Variants in GRM7 observed in about 807,000 individuals in gnomAD.
GRM7 encodes metabotropic glutamate receptor 7.
GRM7 carries 35 observed loss-of-function variants against 84.5 expected under a neutral mutation model. The observed-to-expected ratio is 0.41, with a 90% CI of 0.32 to 0.55. GRM7 has a LOEUF of 0.55. GRM7 is among the 20% of genes least tolerant of loss of function. GRM7 has a pLI of 0.19. For missense variants in GRM7, 1,003 were observed against 1,194.6 expected, an observed-to-expected ratio of 0.84 and a Z score of 2.36; for synonymous variants, 487 against 455.1, an observed-to-expected ratio of 1.07 and a Z score of -0.89.
chr3:7,386,194 A>G (rs968347104), intron 4 of GRM7, among the ~76,000 whole-genome samples: 1 of 152,254 alleles, frequency 6.6e-6, no homozygotes, highest in Non-Finnish European at 1.5e-5. Flanking sequence ...TGTTTGTTAC[A>G]TGGATGCTTT....
At chr3:7,720,100 T>C (rs1289951164) in intron 9 of GRM7, among the ~76,000 whole-genome samples, 6 of 152,134 alleles carry the variant, frequency 3.9e-5, no homozygotes, top group African/African-American at 1.2e-4. Flanking sequence ...ATCACTATTA[T>C]CATTTTCCTC....
At chr3:7,175,188 A>G (rs1695105595) in intron 2 of GRM7, among the ~76,000 whole-genome samples, 4 of 152,234 alleles carry the variant, frequency 2.6e-5, no homozygotes. Context: ...TGGAAATGAT[A>G]ACTTTCCTAC....
chr3:7,358,937 G>A (rs1693531812), intron 4 of GRM7, among the ~76,000 whole-genome samples: 1 of 151,900 alleles, frequency 6.6e-6, no homozygotes, highest in South Asian at 2.1e-4. Context: ...GGGCAACATG[G>A]TGAAACCCTG....
chr3:7,568,501 T>A (rs1001269173), intron 7 of GRM7, among the ~76,000 whole-genome samples: 2 of 152,218 alleles, frequency 1.3e-5, no homozygotes, highest in African/African-American at 2.4e-5. Context: ...CTGGCCACAC[T>A]TGAGGAGCCC....
intron 2 of GRM7, among the ~76,000 whole-genome samples, chr3:7,222,340 A>T (rs1696833667): frequency 6.6e-6 from 1 of 152,062 alleles, no homozygotes; most frequent in African/African-American, 2.4e-5. Context: ...TTGAAGGGTG[A>T]AAAGGACCTG....
chr3:7,179,110 A>T (rs1243600771), intron 2 of GRM7, among the ~76,000 whole-genome samples: 2 of 152,080 alleles, frequency 1.3e-5, no homozygotes, highest in African/African-American at 4.8e-5. Context: ...TATTTAAAAA[A>T]ATAAAAAAAT....
chr3:7,593,318 CATTT>C (rs1426514001), intron 8 of GRM7, among the ~76,000 whole-genome samples: 1 of 152,114 alleles, frequency 6.6e-6, no homozygotes, highest in African/African-American at 2.4e-5. Context: ...CAGTTTCAAA[CATTT>C]ATTGATTCAT....
intron 7 of GRM7, among the ~76,000 whole-genome samples, chr3:7,475,338 G>A (rs977028169): frequency 6.6e-6 from 1 of 152,096 alleles, no homozygotes; most frequent in African/African-American, 2.4e-5. Context: ...CACATTGATG[G>A]GTATGCATTG....
intron 8 of GRM7, among the ~76,000 whole-genome samples, chr3:7,648,032 G>A (rs1698734145): frequency 6.6e-6 from 1 of 152,032 alleles, no homozygotes; most frequent in Non-Finnish European, 1.5e-5. Context: ...CGGCCTAACT[G>A]CATTTTACAA....
chr3:7,454,345 G>C (rs1697916784), intron 6 of GRM7, among the ~76,000 whole-genome samples: 1 of 152,116 alleles, frequency 6.6e-6, no homozygotes, highest in East Asian at 1.9e-4. Context: ...TGTTTGAATA[G>C]TCTCAACTCT....
At chr3:7,173,928 C>T (rs1413287959) in intron 2 of GRM7, among the ~76,000 whole-genome samples, 2 of 152,222 alleles carry the variant, frequency 1.3e-5, no homozygotes, top group African/African-American at 4.8e-5. Flanking sequence ...CTCTAAATTG[C>T]AAGCTCATTA....
At chr3:7,126,574 C>T (rs1305009455) in intron 1 of GRM7, among the ~76,000 whole-genome samples, 3 of 152,146 alleles carry the variant, frequency 2.0e-5, no homozygotes, top group Non-Finnish European at 4.4e-5. Flanking sequence ...GATGTATGAG[C>T]TTTTACTATT....
At chr3:7,112,745 G>A (rs972642518) in intron 1 of GRM7, among the ~76,000 whole-genome samples, 2 of 152,100 alleles carry the variant, frequency 1.3e-5, no homozygotes, top group African/African-American at 4.8e-5. Context: ...TTGATGCCAT[G>A]TGCCAAGCTG....
chr3:7,567,896 C>G (rs2125042710), intron 7 of GRM7, among the ~76,000 whole-genome samples: 1 of 151,442 alleles, frequency 6.6e-6, no homozygotes, highest in Middle Eastern at 3.4e-3. Context: ...ATTCATTTTC[C>G]AGTTCCAGTT....
intron 5 of GRM7, among the ~76,000 whole-genome samples, chr3:7,450,477 G>C (rs1697720388): frequency 6.6e-6 from 1 of 152,068 alleles, no homozygotes; most frequent in South Asian, 2.1e-4. Flanking sequence ...ACACATACAG[G>C]CATATGCAGA....
intron 5 of GRM7, among the ~76,000 whole-genome samples, chr3:7,434,788 A>G (rs1328349884): frequency 1.3e-5 from 2 of 152,150 alleles, no homozygotes; most frequent in Non-Finnish European, 2.9e-5. Context: ...TTGGTATCAG[A>G]TTAATGCTGG....
chr3:7,411,752 A>G (rs779864), intron 4 of GRM7, among the ~76,000 whole-genome samples: 112,571 of 152,090 alleles, frequency 0.74, 42,108 homozygotes, highest in African/African-American at 0.83. Flanking sequence ...GTATTACCAC[A>G]CTACACATTC....
chr3:7,016,316 G>A (rs1055144747), intron 1 of GRM7, among the ~76,000 whole-genome samples: 4 of 152,150 alleles, frequency 2.6e-5, no homozygotes, highest in African/African-American at 4.8e-5. Flanking sequence ...ACAGAAGAAG[G>A]TGTTTTACTT....
At chr3:7,087,788 A>G (rs1054766107) in intron 1 of GRM7, among the ~76,000 whole-genome samples, 5 of 152,184 alleles carry the variant, frequency 3.3e-5, no homozygotes, top group Non-Finnish European at 7.3e-5. Context: ...TAACATACCA[A>G]TGATACCTTG....
Sources: gnomAD v4.1 joint callset for allele counts (sites outside exome capture counted in the v4.1 genomes callset) on GRCh38, gnomAD v4.1.1 for gene constraint, MANE v1.5 for transcripts, NCBI Gene and HGNC (gene_info 2026-07-23, HGNC 2026-07-21) for gene names.